The following MLLT1 variants were observed in gnomAD, a reference collection of about 807,000 sequenced individuals.
MLLT1 encodes the protein MLLT1 super elongation complex subunit, also known as protein ENL.
In MLLT1, 11 loss-of-function variants were observed where a neutral mutation model predicts 55.1. The observed-to-expected ratio is 0.20, with a 90% CI of 0.13 to 0.33. The LOEUF (loss-of-function observed/expected upper bound fraction) is 0.33, where lower values mean the gene tolerates loss of function less well. MLLT1 is among the 10% of genes least tolerant of loss of function. The probability of loss-of-function intolerance (pLI) is 1.00; values close to 1 mark genes in which losing one functional copy is unlikely to be tolerated. For synonymous variants in MLLT1, 323 were observed against 320.1 expected (o/e 1.01, Z -0.10); for missense variants, 536 against 760.6 (o/e 0.70, Z 3.47).
intron 3 of MLLT1, among the ~76,000 whole-genome samples, chr19:6,243,761 C>A (rs1051578180): frequency 6.6e-6 from 1 of 152,054 alleles, no homozygotes; most frequent in Non-Finnish European, 1.5e-5. Context: ...AGAAGTCAAT[C>A]GGCCGGGCAC....
chr19:6,273,663 C>T lies in MLLT1; in HGVS notation c.13-2904G>A, dbSNP rs1390396193. Among the ~76,000 whole-genome samples, 2 of 152,212 alleles carry T rather than the reference C, an allele frequency of 1.3e-5. No individual in the cohort carries two copies. Among genetic ancestry groups the T allele is most frequent in the African/African-American group, 4.8e-5 (2 of 41,458 alleles). On this transcript the variant is annotated intron_variant, in intron 1 of 11. Coordinates refer to ENST00000252674, the MANE Select transcript of MLLT1 (RefSeq NM_005934.4). The surrounding 1 kb of genome is among the most constrained non-coding windows in gnomAD (Gnocchi z 4.3). ...TTTTCGCTAGAAAACAGGAAGGCAACCCCTGTCCCGCTGGGAGCATTACAG... is the reference window on the plus strand; with the variant it reads ...TTTTCGCTAGAAAACAGGAAGGCAATCCCTGTCCCGCTGGGAGCATTACAG...
rs2090795921 is a variant in MLLT1, at chr19:6,212,995, C to A, written c.*47G>T. ...GAGGAGGGCAGGCGAGGCCTGGCTG[C>A]AGCCTCCCAGGACCCCGGCGGTGGG... On this transcript the variant is annotated 3_prime_UTR_variant, in exon 12 of 12. Transcript: ENST00000252674. The A allele has an allele frequency of 6.2e-7, 1 of 1,602,900 alleles. No homozygotes were observed.
At chr19:6,261,405 C>A (rs116258890) in intron 3 of MLLT1, among the ~76,000 whole-genome samples, 2 of 152,174 alleles carry the variant, frequency 1.3e-5, no homozygotes, top group Admixed American at 1.3e-4. Context: ...ATGGCAGCCA[C>A]GCAGCCCGGC....
intron 8 of MLLT1, among the ~76,000 whole-genome samples, chr19:6,215,291 G>A (rs370019477): frequency 2.6e-5 from 4 of 152,234 alleles, no homozygotes; most frequent in Admixed American, 6.5e-5. Context: ...CTCTAGAACC[G>A]AACCTTCCGT....
chr19:6,216,388 T>TCCCACCGGGCC lies in MLLT1; in HGVS notation c.1307+6_1307+16dup. 2 of 1,578,558 alleles carry TCCCACCGGGCC rather than the reference T, an allele frequency of 1.3e-6. No individual in the cohort carries two copies. Among genetic ancestry groups the TCCCACCGGGCC allele is most frequent in the Non-Finnish European group, 8.6e-7 (1 of 1,160,158 alleles). On this transcript the variant is annotated intron_variant, in intron 8 of 11. Transcript: ENST00000252674. ...CGGGTGGCCGCCTCCGCCCCCTGGC[T>TCCCACCGGGCC]CCCACCGGGCCGTCACCTGGAGTCC...
chr19:6,242,442 G>A (rs559226035), intron 3 of MLLT1, among the ~76,000 whole-genome samples: 1 of 152,212 alleles, frequency 6.6e-6, no homozygotes, highest in South Asian at 2.1e-4. Flanking sequence ...CTGCGTGTGG[G>A]AGGCCACGGT....
At chr19:6,272,521 G>A (rs919446821) in intron 1 of MLLT1, among the ~76,000 whole-genome samples, 1 of 152,208 alleles carries the variant, frequency 6.6e-6, no homozygotes, top group Non-Finnish European at 1.5e-5. Flanking sequence ...CCACGCTGGA[G>A]ACCAACCTTG....
Position 6,270,897 on chromosome 19 carries a change from GCTTC to G in MLLT1, c.13-142_13-139del. The G allele has an allele frequency of 1.3e-6, 1 of 790,914 alleles. No individual in the cohort carries two copies. Among genetic ancestry groups the G allele is most frequent in the East Asian group, 3.0e-5 (1 of 33,772 alleles). 49.0% of individuals were successfully genotyped at this position (790,914 alleles called of 1,614,324 possible). A position where few individuals can be genotyped will look rare whatever the true frequency, so the allele number is the denominator to read the frequency against. On this transcript the variant is annotated intron_variant, in intron 1 of 11. Coordinates refer to ENST00000252674, the MANE Select transcript of MLLT1 (RefSeq NM_005934.4). This position sits in a 1 kb window ranked among gnomAD's most constrained non-coding sequence, Gnocchi z 7.1. ...CAACCCAGTGAGCAGCACACAGACG[GCTTC>G]CTATCGCGCCAGCACCTTGCCGCAG...
At chr19:6,265,070 A>AC (rs2091338351) in intron 2 of MLLT1, among the ~76,000 whole-genome samples, 1 of 146,748 alleles carries the variant, frequency 6.8e-6, no homozygotes, top group Admixed American at 6.8e-5. Context: ...AAAAACAAAA[A>AC]AAAACATGAT....
chr19:6,277,619 C>T (rs1410117101), intron 1 of MLLT1, among the ~76,000 whole-genome samples: 1 of 152,170 alleles, frequency 6.6e-6, no homozygotes, highest in African/African-American at 2.4e-5. Flanking sequence ...ACCAGGAATG[C>T]CACCCATTTC....
rs1367245814 is a variant in MLLT1 at position 6,229,124 on chromosome 19, C to T, written c.420+1446G>A. ...TTCCCACAGCCACGCCACCACGGAACCTCCGGGGACGCCCAAAAACACCTA... is the reference window on the plus strand; with the variant it reads ...TTCCCACAGCCACGCCACCACGGAATCTCCGGGGACGCCCAAAAACACCTA... On this transcript the variant is annotated intron_variant, in intron 4 of 11. Transcript: ENST00000252674. The surrounding 1 kb of genome is among the most constrained non-coding windows in gnomAD (Gnocchi z 5.2). Among the ~76,000 whole-genome samples the T allele has an allele frequency of 6.6e-6, 1 of 152,104 alleles. No individual in the cohort carries two copies. The highest frequency in any genetic ancestry group is 1.5e-5 in the Non-Finnish European group (1 of 68,016).
chr19:6,267,758 G>A (rs2091360514), intron 2 of MLLT1, among the ~76,000 whole-genome samples: 1 of 152,130 alleles, frequency 6.6e-6, no homozygotes, highest in African/African-American at 2.4e-5. Flanking sequence ...CTATAATCGG[G>A]GAGCGAAGGT....
rs1262582417 is a variant in MLLT1, at chr19:6,240,403, G to A, written c.277-9690C>T. ...ACGCTGCCGCCACTGGAAGGAGCTCGACAGACACAGCAGGTGACGCAGAGG... is the reference window on the plus strand; with the variant it reads ...ACGCTGCCGCCACTGGAAGGAGCTCAACAGACACAGCAGGTGACGCAGAGG... On this transcript the variant is annotated intron_variant, in intron 3 of 11. Coordinates refer to ENST00000252674, the MANE Select transcript of MLLT1 (RefSeq NM_005934.4). The surrounding 1 kb of genome is among the most constrained non-coding windows in gnomAD (Gnocchi z 4.7). 1.3e-5 allele frequency among the ~76,000 whole-genome samples: 2 copies of A among 152,244 alleles called. No individual in the cohort carries two copies. The highest frequency in any genetic ancestry group is 1.9e-4 in the East Asian group (1 of 5,198).
In MLLT1 at chr19:6,222,369, C is replaced by T; in HGVS notation, c.862G>A (p.Ala288Thr). ...CTGGGCTTTGGCGAGTCGGCGGTGGCCGGCCGCTTGCTGGAAGCCCGGGGT... is the reference window on the plus strand; with the variant it reads ...CTGGGCTTTGGCGAGTCGGCGGTGGTCGGCCGCTTGCTGGAAGCCCGGGGT... ...PPPRASSKRPATADSPKPSAK... is the reference protein window; with the variant it reads ...PPPRASSKRPTTADSPKPSAK... Residue 288 changes from alanine (A) to threonine (T), a missense_variant, in exon 6 of 12, where the codon GCC (alanine) becomes ACC (threonine). Physicochemically the swap from Ala to Thr is moderately conservative, Grantham distance 58. This residue lies in a region of MLLT1 where 449 missense variants were observed against 489.0 expected (regional missense o/e 0.92). Coordinates refer to ENST00000252674, the MANE Select transcript of MLLT1 (RefSeq NM_005934.4). The surrounding 1 kb of genome is among the most constrained non-coding windows in gnomAD (Gnocchi z 4.1). The T allele has an allele frequency of 6.9e-7, 1 of 1,441,832 alleles. No homozygotes were observed. The highest frequency in any genetic ancestry group is 9.1e-7 in the Non-Finnish European group (1 of 1,100,378). 89.3% of individuals were successfully genotyped at this position (1,441,832 alleles called of 1,614,324 possible). A position where few individuals can be genotyped will look rare whatever the true frequency, so the allele number is the denominator to read the frequency against.
intron 2 of MLLT1, among the ~76,000 whole-genome samples, chr19:6,264,333 C>G (rs1448176872): frequency 6.6e-6 from 1 of 151,000 alleles, no homozygotes; most frequent in Non-Finnish European, 1.5e-5. Context: ...CAGGGGGAAG[C>G]TGAAACTTGC....
At chr19:6,244,854 C>T (rs1465792060) in intron 3 of MLLT1, among the ~76,000 whole-genome samples, 2 of 152,038 alleles carry the variant, frequency 1.3e-5, no homozygotes, top group Non-Finnish European at 2.9e-5. Flanking sequence ...TACCGTCGGC[C>T]GTCAGGGAGA....
At chr19:6,218,146 C>T in intron 6 of MLLT1, 105 bp from the exon 7 acceptor site, 3 of 1,457,630 alleles carry the variant, frequency 2.1e-6, no homozygotes, top group Non-Finnish European at 2.7e-6. Flanking sequence ...GAGTGGGTCT[C>T]CCCCAGACAC....
chr19:6,222,845 G>C lies in MLLT1; in HGVS notation c.547-161C>G, dbSNP rs754294664. On this transcript the variant is annotated intron_variant, in intron 5 of 11. Coordinates refer to ENST00000252674, the MANE Select transcript of MLLT1 (RefSeq NM_005934.4). The surrounding 1 kb of genome is among the most constrained non-coding windows in gnomAD (Gnocchi z 4.1). ...AAAGCAAAAAGGTAAGGCAGTAGGTGAGAGTTTTACATGGAGCTGTCCCTT... is the reference window on the plus strand; with the variant it reads ...AAAGCAAAAAGGTAAGGCAGTAGGTCAGAGTTTTACATGGAGCTGTCCCTT... 6.6e-6 allele frequency among the ~76,000 whole-genome samples: 1 copy of C among 152,224 alleles called. No homozygotes were observed. Among genetic ancestry groups the C allele is most frequent in the Non-Finnish European group, 1.5e-5 (1 of 68,042 alleles).
intron 3 of MLLT1, among the ~76,000 whole-genome samples, chr19:6,245,913 C>CA (rs1376458905): frequency 6.6e-6 from 1 of 150,928 alleles, no homozygotes; most frequent in African/African-American, 2.4e-5. Flanking sequence ...AACAGACAAA[C>CA]AAAAAACCCA....
Sources: allele counts gnomAD v4.1 joint callset (sites outside exome capture counted in the v4.1 genomes callset), GRCh38; gene constraint gnomAD v4.1.1; regional missense constraint gnomAD v4.1.1; non-coding constraint Gnocchi (gnomAD v3.1); transcripts MANE v1.5; gene names NCBI Gene and HGNC (gene_info 2026-07-23, HGNC 2026-07-21).